The following PPP1R13B variants were observed in gnomAD, a reference collection of about 807,000 sequenced individuals.
PPP1R13B encodes the protein protein phosphatase 1 regulatory subunit 13B, also known as apoptosis-stimulating of p53 protein 1.
Under a neutral mutation model 119.8 loss-of-function variants are expected in PPP1R13B, and 44 were observed. The ratio of observed to expected loss-of-function variants is 0.37; its 90% CI spans 0.29 to 0.47. The LOEUF (loss-of-function observed/expected upper bound fraction) is 0.47. Among genes scored for constraint, PPP1R13B ranks in the 20% least tolerant of loss-of-function variants. The pLI is 0.99. For missense variants in PPP1R13B, 1,227 were observed against 1,413.5 expected (o/e 0.87, Z 2.12); for synonymous variants, 542 against 561.5 (o/e 0.97, Z 0.49).
chr14:103,820,652 A>G (rs1026269387), intron 1 of PPP1R13B, among the ~76,000 whole-genome samples: 1 of 102,590 alleles, frequency 9.7e-6, no homozygotes, highest in Non-Finnish European at 1.9e-5. Context: ...CATGCCCAGG[A>G]TTTTTTTTTT....
At position 103,768,618 on chromosome 14, in the gene PPP1R13B, C is replaced by T. The variant is rs570374775; in HGVS notation, c.354+10127G>A. On this transcript the variant is annotated intron_variant, in intron 4 of 16. Transcript: ENST00000202556. ...GGCCTAATTTTTGTATTTTTAGTAG[C>T]GACAGGGTTTCACCATATTGGCCAG... 1.4e-4 allele frequency among the ~76,000 whole-genome samples: 21 copies of T among 144,940 alleles called. No individual in the cohort carries two copies. In the East Asian group the frequency reaches 4.1e-3, roughly 28 times the overall value.
chr14:103,782,598 G>A (rs772240010), intron 3 of PPP1R13B, among the ~76,000 whole-genome samples: 7 of 152,330 alleles, frequency 4.6e-5, no homozygotes, highest in Non-Finnish European at 8.8e-5. Context: ...CAATGCAGAA[G>A]ACGGCCTGTT....
intron 1 of PPP1R13B, among the ~76,000 whole-genome samples, chr14:103,835,792 GTA>G (rs2086763861): frequency 6.6e-6 from 1 of 151,232 alleles, no homozygotes; most frequent in Non-Finnish European, 1.5e-5. Flanking sequence ...GTATTTTTTA[GTA>G]GAGACGGGGT....
chr14:103,827,511 T>C (rs1479290074), intron 1 of PPP1R13B, among the ~76,000 whole-genome samples: 1 of 151,898 alleles, frequency 6.6e-6, no homozygotes, highest in Non-Finnish European at 1.5e-5. Flanking sequence ...CTCCTCTGAA[T>C]ATTAGCCAAT....
At chr14:103,789,592 C>T (rs534659676) in intron 2 of PPP1R13B, among the ~76,000 whole-genome samples, 4 of 152,004 alleles carry the variant, frequency 2.6e-5, no homozygotes, top group African/African-American at 9.6e-5. Context: ...TTGGCTTATA[C>T]AACCTCTGTC....
intron 16 of PPP1R13B, 133 bp downstream of exon 16, chr14:103,735,870 T>A (rs889843993): frequency 1.0e-6 from 1 of 963,548 alleles, no homozygotes; most frequent in South Asian, 1.6e-5. Context: ...AGTAGGCACC[T>A]CCCCCTCTAC....
At chr14:103,824,064 T>G (rs1456315082) in intron 1 of PPP1R13B, among the ~76,000 whole-genome samples, 2 of 136,908 alleles carry the variant, frequency 1.5e-5, no homozygotes, top group African/African-American at 2.9e-5. Flanking sequence ...TTTTTTTTTT[T>G]GAGATGCAGT....
intron 1 of PPP1R13B, among the ~76,000 whole-genome samples, chr14:103,811,530 A>G (rs1441178742): frequency 6.6e-6 from 1 of 152,116 alleles, no homozygotes; most frequent in East Asian, 1.9e-4. Context: ...TCTACAAAAA[A>G]CACAAAAAGT....
At chr14:103,834,010 G>A (rs1256401689) in intron 1 of PPP1R13B, among the ~76,000 whole-genome samples, 4 of 152,208 alleles carry the variant, frequency 2.6e-5, no homozygotes, top group Admixed American at 6.5e-5. Flanking sequence ...GGATACTGCA[G>A]TGGGAAAAGA....
intron 9 of PPP1R13B, 77 bp downstream of exon 9, chr14:103,746,296 C>CA: frequency 5.1e-6 from 1 of 197,036 alleles, no homozygotes; most frequent in Non-Finnish European, 1.2e-5. Flanking sequence ...GAGCCTGCCC[C>CA]ACCCCCCGCC....
At chr14:103,751,834 C>A (rs2084556152) in intron 7 of PPP1R13B, among the ~76,000 whole-genome samples, 1 of 152,190 alleles carries the variant, frequency 6.6e-6, no homozygotes, top group South Asian at 2.1e-4. Flanking sequence ...AGCCATCCAG[C>A]CTATGATATT....
intron 4 of PPP1R13B, among the ~76,000 whole-genome samples, chr14:103,774,923 C>G (rs2085152507): frequency 6.6e-6 from 1 of 152,154 alleles, no homozygotes; most frequent in South Asian, 2.1e-4. Context: ...TAAATTATTC[C>G]TCTAGAGGAG....
At chr14:103,816,127 A>AT (rs1309135835) in intron 1 of PPP1R13B, among the ~76,000 whole-genome samples, 2 of 151,826 alleles carry the variant, frequency 1.3e-5, no homozygotes, top group African/African-American at 4.8e-5. Flanking sequence ...TATTCAACCT[A>AT]TACCATCAGT....
At chr14:103,782,091 C>T (rs542389146) in intron 3 of PPP1R13B, among the ~76,000 whole-genome samples, 5 of 152,244 alleles carry the variant, frequency 3.3e-5, no homozygotes, top group African/African-American at 9.6e-5. Flanking sequence ...AACAACCCTC[C>T]CTCCTCTGTT....
intron 1 of PPP1R13B, among the ~76,000 whole-genome samples, chr14:103,828,191 A>AC: frequency 6.6e-6 from 1 of 151,950 alleles, no homozygotes; most frequent in East Asian, 1.9e-4. Context: ...AAATGGTGAA[A>AC]CCCCAACTCT....
chr14:103,815,260 C>T (rs193134977), intron 1 of PPP1R13B, among the ~76,000 whole-genome samples: 17 of 152,138 alleles, frequency 1.1e-4, no homozygotes, highest in Admixed American at 1.3e-4. Flanking sequence ...GTAGATTAGT[C>T]GTTGGTAGGA....
chr14:103,819,516 C>CA (rs11390506), intron 1 of PPP1R13B, among the ~76,000 whole-genome samples: 9,362 of 137,972 alleles, frequency 0.068, 413 homozygotes, highest in Admixed American at 0.17. Context: ...AACAAACAAA[C>CA]AAAAAAAAAC....
chr14:103,792,169 C>CGTGTGTGTGTGTGTGTGTGT (rs58782839), intron 2 of PPP1R13B, among the ~76,000 whole-genome samples: 25 of 137,258 alleles, frequency 1.8e-4, no homozygotes, highest in African/African-American at 5.1e-4. Flanking sequence ...CTCTATTCAT[C>CGTGTGTGTGTGTGTGTGTGT]GTGTGTGTGT....
At chr14:103,779,194 C>A (rs1014108285) in intron 3 of PPP1R13B, among the ~76,000 whole-genome samples, 1 of 151,560 alleles carries the variant, frequency 6.6e-6, no homozygotes, top group African/African-American at 2.4e-5. Flanking sequence ...GGGGCTGAGG[C>A]GGGAGAATGA....
Sources: allele counts gnomAD v4.1 joint callset (sites outside exome capture counted in the v4.1 genomes callset), GRCh38; gene constraint gnomAD v4.1.1; transcripts MANE v1.5; gene names NCBI Gene and HGNC (gene_info 2026-07-23, HGNC 2026-07-21).